GPC5: variants seen among roughly 807,000 people sequenced by gnomAD.
GPC5 encodes glypican-5.
In GPC5, 47 loss-of-function variants were observed where a neutral mutation model predicts 53.9. That is an observed-to-expected ratio of 0.87 (90% CI 0.69 to 1.11). The LOEUF (loss-of-function observed/expected upper bound fraction) is 1.11. Among genes scored for constraint, GPC5 ranks in the 50% most tolerant of loss-of-function variants. GPC5 has a pLI of 0.00. For missense variants in GPC5, 748 were observed against 713.1 expected (o/e 1.05, Z -0.56); for synonymous variants, 286 against 263.3 (o/e 1.09, Z -0.84).
At chr13:91,941,705 T>C (rs2039928802) in intron 6 of GPC5, among the ~76,000 whole-genome samples, 2 of 152,152 alleles carry the variant, frequency 1.3e-5, no homozygotes, top group Non-Finnish European at 2.9e-5. Context: ...TAGCTCAAAG[T>C]GGGCACTTCA....
chr13:92,448,865 A>G (rs373483046), intron 7 of GPC5: 4 of 150,942 alleles, frequency 2.7e-5, no homozygotes, highest in East Asian at 1.9e-4. Context: ...TTAATGGTAT[A>G]AGAGAAATTC....
chr13:91,949,221 A>G (rs1189561544), intron 6 of GPC5, among the ~76,000 whole-genome samples: 1 of 152,232 alleles, frequency 6.6e-6, no homozygotes. Context: ...AACGAAGGAC[A>G]GTCATCTCCA....
At chr13:91,825,549 T>G (rs1225317646) in intron 5 of GPC5, among the ~76,000 whole-genome samples, 1 of 152,050 alleles carries the variant, frequency 6.6e-6, no homozygotes, top group African/African-American at 2.4e-5. Flanking sequence ...GAGCTGAAAA[T>G]TATAAACCCT....
intron 7 of GPC5, among the ~76,000 whole-genome samples, chr13:92,170,109 A>T (rs1419636207): frequency 6.6e-6 from 1 of 152,036 alleles, no homozygotes; most frequent in African/African-American, 2.4e-5. Context: ...TTGCAATTTG[A>T]TAAAACTAAC....
intron 7 of GPC5, among the ~76,000 whole-genome samples, chr13:92,675,529 A>G (rs1566358007): frequency 6.6e-6 from 1 of 151,994 alleles, no homozygotes; most frequent in Non-Finnish European, 1.5e-5. Flanking sequence ...TAATTCCACC[A>G]CAAATTTCCT....
chr13:92,249,334 G>A lies in GPC5; in HGVS notation c.1561+104345G>A, dbSNP rs187567835. Among the ~76,000 whole-genome samples, 516 of 152,146 alleles carry A rather than the reference G, an allele frequency of 3.4e-3. 6 individuals are homozygous for A. Among genetic ancestry groups the A allele is most frequent in the African/African-American group, 0.012 (502 of 41,510 alleles). On this transcript the variant is annotated intron_variant, in intron 7 of 7. Coordinates refer to ENST00000377067, the MANE Select transcript of GPC5 (RefSeq NM_004466.6). ...AGTTTCATGAGATCACTAAATTTTG[G>A]TAAATATGATACTTTCTTTGAACAG...
At chr13:91,746,926 A>G (rs2037062400) in intron 4 of GPC5, among the ~76,000 whole-genome samples, 1 of 152,174 alleles carries the variant, frequency 6.6e-6, no homozygotes, top group Non-Finnish European at 1.5e-5. Flanking sequence ...TGTGAAACCA[A>G]ACCATCTCTA....
At chr13:92,667,281 T>C (rs1886608087) in intron 7 of GPC5, among the ~76,000 whole-genome samples, 1 of 151,976 alleles carries the variant, frequency 6.6e-6, no homozygotes, top group African/African-American at 2.4e-5. Context: ...AAAGAGAGGA[T>C]TGGTGTCATC....
chr13:91,913,955 T>C (rs2039634729), intron 6 of GPC5, among the ~76,000 whole-genome samples: 2 of 152,204 alleles, frequency 1.3e-5, no homozygotes, highest in African/African-American at 2.4e-5. Flanking sequence ...TTTAATATTA[T>C]AGATTGAAAA....
chr13:92,418,395 A>C lies in GPC5; in HGVS notation c.1561+273406A>C, dbSNP rs568025833. 5.9e-5 allele frequency among the ~76,000 whole-genome samples: 9 copies of C among 152,282 alleles called. No homozygotes were observed. In the South Asian group the frequency reaches 1.7e-3, roughly 28 times the overall value. ...TAGCACAGAGTTGGGAGATCACGTT[A>C]TTGAGGTTTAATAAGATTTGGAAAA... is the stretch of plus-strand genomic sequence containing the variant. On this transcript the variant is annotated intron_variant, in intron 7 of 7. Coordinates refer to ENST00000377067, the MANE Select transcript of GPC5 (RefSeq NM_004466.6).
rs9634480 is a variant in GPC5, at chr13:92,237,364, C to T, written c.1561+92375C>T. 5.9e-3 allele frequency among the ~76,000 whole-genome samples: 902 copies of T among 152,102 alleles called. 15 individuals are homozygous for T. Among genetic ancestry groups the T allele is most frequent in the South Asian group, 0.042 (200 of 4,818 alleles). On this transcript the variant is annotated intron_variant, in intron 7 of 7. Transcript: ENST00000377067. ...CCTCCTGAGTAGCTGGGACTACAGG[C>T]ACGCACCACCAAGCATAGTTAATTT... is the stretch of plus-strand genomic sequence containing the variant.
intron 5 of GPC5, among the ~76,000 whole-genome samples, chr13:91,816,795 A>G (rs1294882827): frequency 6.6e-6 from 1 of 152,158 alleles, no homozygotes; most frequent in Admixed American, 6.5e-5. Context: ...CTTTGGTACA[A>G]TGGAAAGTGG....
chr13:92,244,350 A>C (rs1376760279), intron 7 of GPC5, among the ~76,000 whole-genome samples: 1 of 152,192 alleles, frequency 6.6e-6, no homozygotes, highest in East Asian at 1.9e-4. Flanking sequence ...TTTGATCTGC[A>C]TTAGAAAATA....
intron 7 of GPC5, among the ~76,000 whole-genome samples, chr13:92,650,752 T>C (rs1169532572): frequency 1.3e-5 from 2 of 152,274 alleles, no homozygotes; most frequent in East Asian, 3.9e-4. Flanking sequence ...ATAATAATCA[T>C]TGGTATACAG....
At position 91,675,308 on chromosome 13, in the gene GPC5, C is replaced by T. The variant is rs2035356674; in HGVS notation, c.326-17879C>T. ...ATATATATCTTTGACAAATTGATTT[C>T]ACAATTCTCCATGATTCTGACTGAA... On this transcript the variant is annotated intron_variant, in intron 2 of 7. Transcript: ENST00000377067. 1.3e-5 allele frequency among the ~76,000 whole-genome samples: 2 copies of T among 152,100 alleles called. 1 individual carries two copies. Among genetic ancestry groups the T allele is most frequent in the South Asian group, 4.1e-4 (2 of 4,830 alleles).
chr13:91,873,203 G>A (rs2039166311), intron 5 of GPC5, among the ~76,000 whole-genome samples: 1 of 152,270 alleles, frequency 6.6e-6, no homozygotes, highest in East Asian at 1.9e-4. Flanking sequence ...TGCAGTCTTA[G>A]TATTTTGGTA....
chr13:91,524,327 G>T (rs1342640503), intron 2 of GPC5, among the ~76,000 whole-genome samples: 1 of 151,802 alleles, frequency 6.6e-6, no homozygotes, highest in African/African-American at 2.4e-5. Context: ...AACATGGGGT[G>T]TTTTTTTATG....
chr13:91,807,589 C>T (rs2038242044), intron 5 of GPC5, among the ~76,000 whole-genome samples: 1 of 152,118 alleles, frequency 6.6e-6, no homozygotes, highest in African/African-American at 2.4e-5. Context: ...AGCCATTGTT[C>T]TCCTTGTGTT....
At chr13:92,532,422 T>G (rs931499300) in intron 7 of GPC5, among the ~76,000 whole-genome samples, 2 of 152,164 alleles carry the variant, frequency 1.3e-5, no homozygotes, top group Non-Finnish European at 2.9e-5. Context: ...TGCAGTAGAT[T>G]TCAATGAAAG....
Sources: allele counts gnomAD v4.1 joint callset (sites outside exome capture counted in the v4.1 genomes callset), GRCh38; gene constraint gnomAD v4.1.1; transcripts MANE v1.5; gene names NCBI Gene and HGNC (gene_info 2026-07-23, HGNC 2026-07-21).